The following PACS2 variants were observed in gnomAD, a reference collection of about 807,000 sequenced individuals.
PACS2 encodes the protein PACS1-like protein.
Under a neutral mutation model 113.0 loss-of-function variants are expected in PACS2, and 36 were observed. That is an observed-to-expected ratio of 0.32 (90% CI 0.24 to 0.42). The LOEUF is 0.42. Ranked by LOEUF, PACS2 falls within the 10% of genes least tolerant of loss-of-function variation. The pLI is 1.00. For synonymous variants in PACS2, 589 were observed against 536.1 expected, an observed-to-expected ratio of 1.10 and a Z score of -1.36; for missense variants, 1,015 against 1,239.5, an observed-to-expected ratio of 0.82 and a Z score of 2.72.
At chr14:105,343,269 G>A (rs782591765) in intron 1 of PACS2, among the ~76,000 whole-genome samples, 4 of 152,240 alleles carry the variant, frequency 2.6e-5, no homozygotes, top group Non-Finnish European at 5.9e-5. Context: ...CCTTGTCTTT[G>A]TGTGAAGGAC....
At chr14:105,334,446 C>T (rs1344310478) in intron 1 of PACS2, among the ~76,000 whole-genome samples, 1 of 148,544 alleles carries the variant, frequency 6.7e-6, no homozygotes, top group Non-Finnish European at 1.5e-5. Context: ...TAGAGCTCCA[C>T]CTGAGGCCCA....
upstream of PACS2, among the ~76,000 whole-genome samples, chr14:105,312,655 C>T (rs919658703): frequency 6.6e-6 from 1 of 152,180 alleles, no homozygotes; most frequent in Non-Finnish European, 1.5e-5. Flanking sequence ...AAGAGAAGGA[C>T]CAGCACAGCA....
chr14:105,336,357 G>T (rs2059520367), intron 1 of PACS2: 1 of 152,344 alleles, frequency 6.6e-6, no homozygotes, highest in South Asian at 2.1e-4. Flanking sequence ...TGCTGTCCTT[G>T]GGAGTGGCGC....
chr14:105,300,960 A>G (rs1046879936), exon 1 of PACS2: 2 of 154,578 alleles, frequency 1.3e-5, no homozygotes, highest in Middle Eastern at 3.5e-3. Flanking sequence ...GCTTCGGCGG[A>G]ACCCGAGCGG....
At chr14:105,301,914 A>G (rs1262536877) in intron 1 of PACS2, among the ~76,000 whole-genome samples, 1 of 152,214 alleles carries the variant, frequency 6.6e-6, no homozygotes, top group Non-Finnish European at 1.5e-5. Context: ...AGGCAGGCGG[A>G]TCACGTAAGG....
intron 11 of PACS2, among the ~76,000 whole-genome samples, chr14:105,380,420 G>A (rs1555411661): frequency 6.8e-6 from 1 of 146,800 alleles, no homozygotes; most frequent in Non-Finnish European, 1.5e-5. Context: ...CGCAGGGTCC[G>A]GATGCCCTGG....
chr14:105,326,344 A>G (rs2059106196), intron 1 of PACS2, among the ~76,000 whole-genome samples: 1 of 152,170 alleles, frequency 6.6e-6, no homozygotes, highest in Non-Finnish European at 1.5e-5. Context: ...GGTCAGTTTG[A>G]GGGTGGACAT....
chr14:105,389,921 G>T (rs1566969966), intron 19 of PACS2, 40 bp from the exon 20 acceptor site: 1 of 1,588,954 alleles, frequency 6.3e-7, no homozygotes, highest in Non-Finnish European at 8.6e-7. Flanking sequence ...GCGGGGCTGT[G>T]CCCTGAGGAG....
Position 105,355,009 on chromosome 14 carries a change from GC to G in PACS2, c.298-39del. ...GTCAGAGGCCGTGATGCTGCCTGGG[GC>G]CCCGGTGCACCCTCAGCTGCCACTC... is the stretch of plus-strand genomic sequence containing the variant. On this transcript the variant is annotated intron_variant, in intron 3 of 24. Transcript: ENST00000447393. The surrounding 1 kb of genome is among the most constrained non-coding windows in gnomAD (Gnocchi z 4.1). The G allele has an allele frequency of 6.2e-7, 1 of 1,602,198 alleles. No homozygotes were observed.
upstream of PACS2, among the ~76,000 whole-genome samples, chr14:105,312,065 C>A (rs898865626): frequency 2.6e-5 from 4 of 152,342 alleles, no homozygotes; most frequent in South Asian, 6.2e-4. Flanking sequence ...GCCCCTCCCC[C>A]ACTCCCCGAC....
chr14:105,369,082 G>A (rs1218275418), intron 7 of PACS2, among the ~76,000 whole-genome samples: 10 of 152,264 alleles, frequency 6.6e-5, no homozygotes, highest in South Asian at 2.1e-4. Context: ...GGAGGCCAGC[G>A]CAGGTGGGCG....
intron 1 of PACS2, among the ~76,000 whole-genome samples, chr14:105,328,547 G>T (rs1818557671): frequency 6.6e-6 from 1 of 152,204 alleles, no homozygotes; most frequent in African/African-American, 2.4e-5. Context: ...TTGTGCTCTG[G>T]GCTCGCCATC....
chr14:105,365,699 C>T lies in PACS2; in HGVS notation c.424-1514C>T, dbSNP rs940660332. On this transcript the variant is annotated intron_variant, in intron 4 of 24. Coordinates refer to ENST00000447393, the MANE Select transcript of PACS2 (RefSeq NM_001100913.3). The surrounding 1 kb of genome is among the most constrained non-coding windows in gnomAD (Gnocchi z 5.1). Reference sequence around the variant, plus strand: ...GCCCGGCAGCCCCCTCCCCTCTGAGCTCATTTTACTGGGATCCCCAGCAAG... The same window carrying T: ...GCCCGGCAGCCCCCTCCCCTCTGAGTTCATTTTACTGGGATCCCCAGCAAG... Among the ~76,000 whole-genome samples the T allele has an allele frequency of 4.6e-5, 7 of 152,196 alleles. No individual in the cohort carries two copies. The highest frequency in any genetic ancestry group is 4.6e-4 in the Admixed American group (7 of 15,278).
Position 105,357,150 on chromosome 14 carries a change from G to T in PACS2, c.423+1973G>T, listed in dbSNP as rs782150728. Among the ~76,000 whole-genome samples the T allele has an allele frequency of 1.3e-5, 2 of 152,126 alleles. No homozygotes were observed. Among genetic ancestry groups the T allele is most frequent in the Non-Finnish European group, 2.9e-5 (2 of 68,020 alleles). ...AGCCCCTCTCAGCACTGGTGCTTCT[G>T]TGTTTGACGTCCTTGCCCTGAATGC... is the stretch of plus-strand genomic sequence containing the variant. On this transcript the variant is annotated intron_variant, in intron 4 of 24. Coordinates refer to ENST00000447393, the MANE Select transcript of PACS2 (RefSeq NM_001100913.3). The surrounding 1 kb of genome is among the most constrained non-coding windows in gnomAD (Gnocchi z 5.1).
chr14:105,383,336 T>C (rs782193201), intron 15 of PACS2, 23 bp from the exon 16 acceptor site: 1 of 1,603,992 alleles, frequency 6.2e-7, no homozygotes, highest in Non-Finnish European at 8.5e-7. Flanking sequence ...CCCCTCTCCG[T>C]CCCACCTGCC....
chr14:105,387,041 C>T lies in PACS2; in HGVS notation c.2033+1324C>T, dbSNP rs189715268. 7.2e-5 allele frequency among the ~76,000 whole-genome samples: 11 copies of T among 152,330 alleles called. No homozygotes were observed. The East Asian group carries it at 2.1e-3, about 29-fold the overall frequency. ...GCCTTACACCCACTCCCACCCTGCA[C>T]CTCCTGCCCCTGCCTCCGTGTTGCA... On this transcript the variant is annotated intron_variant, in intron 19 of 24. Coordinates refer to ENST00000447393, the MANE Select transcript of PACS2 (RefSeq NM_001100913.3).
In PACS2 at chr14:105,396,407, C is replaced by G. The variant is rs2081529465; in HGVS notation, c.*1735C>G. On this transcript the variant is annotated 3_prime_UTR_variant, in exon 25 of 25. Transcript: ENST00000447393. ...GAGCCCCGGGCTGATGGCCTCTGAC[C>G]CCGGCAACAGGTGGGACCCTGACTG... 6.6e-6 allele frequency: 1 copy of G among 152,300 alleles called. No homozygotes were observed. Among genetic ancestry groups the G allele is most frequent in the African/African-American group, 2.4e-5 (1 of 41,442 alleles). 9.4% of individuals were successfully genotyped at this position (152,300 alleles called of 1,614,324 possible). A position where few individuals can be genotyped will look rare whatever the true frequency, so the allele number is the denominator to read the frequency against.
rs782364234 is a variant in PACS2, at chr14:105,394,676, C to T, written c.*4C>T. On this transcript the variant is annotated 3_prime_UTR_variant, in exon 25 of 25. Coordinates refer to ENST00000447393, the MANE Select transcript of PACS2 (RefSeq NM_001100913.3). The stretch of plus-strand genomic sequence containing the variant: ...ACACTCCAAGGCCACCTTCTAGCCC[C>T]ACCCACCAGGGGGCCCACCTCCTGC... 1.3e-4 allele frequency: 215 copies of T among 1,596,574 alleles called. 1 individual carries two copies. Among genetic ancestry groups the T allele is most frequent in the Middle Eastern group, 9.9e-4 (6 of 6,058 alleles).
chr14:105,378,079 C>T (rs2080849493), intron 9 of PACS2, among the ~76,000 whole-genome samples: 1 of 152,216 alleles, frequency 6.6e-6, no homozygotes, highest in South Asian at 2.1e-4. Context: ...CAGCAAGGCC[C>T]AGTGAAGTCC....
Sources: gnomAD v4.1 joint callset for allele counts (sites outside exome capture counted in the v4.1 genomes callset) on GRCh38, gnomAD v4.1.1 for gene constraint, Gnocchi (gnomAD v3.1) non-coding constraint, MANE v1.5 for transcripts, NCBI Gene and HGNC (gene_info 2026-07-23, HGNC 2026-07-21) for gene names.